The following AFF3 variants were observed in gnomAD, a reference collection of about 807,000 sequenced individuals.
AFF3 encodes AF4/FMR2 family member 3.
A neutral mutation model predicts 129.7 loss-of-function variants in AFF3; 32 were observed. The ratio of observed to expected loss-of-function variants is 0.25; its 90% CI spans 0.19 to 0.33. The LOEUF (loss-of-function observed/expected upper bound fraction) is 0.33, where lower values mean the gene tolerates loss of function less well. Ranked by LOEUF, AFF3 falls within the 10% of genes least tolerant of loss-of-function variation. The probability of loss-of-function intolerance (pLI) is 1.00; values close to 1 mark genes in which losing one functional copy is unlikely to be tolerated. For synonymous variants in AFF3, 644 were observed against 635.4 expected, an observed-to-expected ratio of 1.01 and a Z score of -0.20; for missense variants, 1,373 against 1,592.0, an observed-to-expected ratio of 0.86 and a Z score of 2.34.
At chr2:99,702,372 ACT>A (rs1676949437) in intron 11 of AFF3, among the ~76,000 whole-genome samples, 1 of 151,874 alleles carries the variant, frequency 6.6e-6, no homozygotes, top group Non-Finnish European at 1.5e-5. Flanking sequence ...ACAGAGTCTC[ACT>A]CTGTCACTCA....
Position 99,581,219 on chromosome 2 carries a change from G to A in AFF3, c.2793+1579C>T, listed in dbSNP as rs184538096. Among the ~76,000 whole-genome samples the A allele has an allele frequency of 2.0e-3, 302 of 152,332 alleles. 1 individual carries two copies. The highest frequency in any genetic ancestry group is 6.2e-3 in the South Asian group (30 of 4,824). On this transcript the variant is annotated intron_variant, in intron 17 of 24. Transcript: ENST00000672756. ...AAATAAAATCTACAATTGGTTTATA[G>A]TTCTCTGCGTATCATAGTTGCTCAT...
chr2:99,862,966 T>G (rs1691106184), intron 7 of AFF3, among the ~76,000 whole-genome samples: 1 of 152,254 alleles, frequency 6.6e-6, no homozygotes, highest in African/African-American at 2.4e-5. Flanking sequence ...TATAAAGATT[T>G]TTTATTAAAA....
At chr2:99,981,146 G>A (rs1361927437) in intron 7 of AFF3, among the ~76,000 whole-genome samples, 2 of 152,032 alleles carry the variant, frequency 1.3e-5, no homozygotes, top group Non-Finnish European at 2.9e-5. Flanking sequence ...AGCCTCCCAA[G>A]TAGCTGGGAT....
At chr2:99,978,331 TAA>T (rs1359742867) in intron 7 of AFF3, among the ~76,000 whole-genome samples, 1 of 151,342 alleles carries the variant, frequency 6.6e-6, no homozygotes, top group African/African-American at 2.4e-5. Context: ...AAGATGCTAA[TAA>T]GCTCAATATG....
At chr2:99,624,675 G>T (rs569718074) in intron 13 of AFF3, among the ~76,000 whole-genome samples, 1 of 152,286 alleles carries the variant, frequency 6.6e-6, no homozygotes, top group East Asian at 1.9e-4. Context: ...GTGCACATAG[G>T]TCAGGAATTC....
chr2:99,690,075 A>C (rs1213563893), intron 11 of AFF3, among the ~76,000 whole-genome samples: 4 of 150,250 alleles, frequency 2.7e-5, no homozygotes, highest in Non-Finnish European at 5.9e-5. Flanking sequence ...TGACAGAGCG[A>C]GACTCTGTCT....
Position 99,578,513 on chromosome 2 carries a change from C to CACAT in AFF3, c.2794-66_2794-63dup, listed in dbSNP as rs1677210563. ...CCACCTGGTGAAGCGAGCAGCCCAT[C>CACAT]ACATACATACATACGTAGAATATCT... On this transcript the variant is annotated intron_variant, in intron 17 of 24. Coordinates refer to ENST00000672756, the MANE Select transcript of AFF3 (RefSeq NM_001386135.1). 1.9e-6 allele frequency: 3 copies of CACAT among 1,592,730 alleles called. No individual in the cohort carries two copies. The East Asian group carries it at 6.8e-5, about 36-fold the overall frequency.
chr2:99,732,198 C>CA (rs1679887458), intron 10 of AFF3, among the ~76,000 whole-genome samples: 1 of 151,716 alleles, frequency 6.6e-6, no homozygotes, highest in Non-Finnish European at 1.5e-5. Flanking sequence ...ACTAAAAATA[C>CA]AAAAAAATTA....
chr2:100,046,312 G>T (rs572065916), intron 4 of AFF3, among the ~76,000 whole-genome samples: 1 of 152,116 alleles, frequency 6.6e-6, no homozygotes, highest in Non-Finnish European at 1.5e-5. Context: ...GCTAGTCAGC[G>T]GTAACATCAG....
intron 4 of AFF3, among the ~76,000 whole-genome samples, chr2:100,042,738 C>T (rs1685540167): frequency 1.3e-5 from 2 of 152,192 alleles, no homozygotes; most frequent in South Asian, 4.1e-4. Flanking sequence ...TGGGAAAGCT[C>T]TCTGAGGTTT....
chr2:99,794,719 G>A (rs1197235038), intron 8 of AFF3, among the ~76,000 whole-genome samples: 2 of 152,094 alleles, frequency 1.3e-5, no homozygotes, highest in Admixed American at 6.5e-5. Flanking sequence ...TCAACTCAGT[G>A]AGACTTCTAG....
chr2:99,568,903 G>C lies in AFF3; in HGVS notation c.2931C>G (p.Ala977=). ...KLVFDDMPRS[A]DYFMQEAKRM... is the part of the protein sequence containing the mutation. ...GTTTAGCTTCTTGCATAAAATAATC[G>C]GCACTGCGAGGCCTACAAGGAGAGA... is the stretch of plus-strand genomic sequence containing the variant. The change falls in exon 19 of 25, where the codon GCC becomes GCG. Residue 977 remains alanine, a synonymous_variant. Coordinates refer to ENST00000672756, the MANE Select transcript of AFF3 (RefSeq NM_001386135.1). 1 of 1,613,932 alleles carries C rather than the reference G, an allele frequency of 6.2e-7. No homozygotes were observed. The highest frequency in any genetic ancestry group is 8.5e-7 in the Non-Finnish European group (1 of 1,179,902).
intron 4 of AFF3, among the ~76,000 whole-genome samples, chr2:100,085,859 C>T (rs1689379477): frequency 6.6e-6 from 1 of 151,148 alleles, no homozygotes; most frequent in East Asian, 1.9e-4. Flanking sequence ...CCCAAGCCAG[C>T]ATGGTGTGTT....
intron 4 of AFF3, among the ~76,000 whole-genome samples, chr2:100,042,375 G>A (rs953728931): frequency 2.6e-5 from 4 of 151,844 alleles, no homozygotes; most frequent in African/African-American, 9.7e-5. Context: ...GAAATATATT[G>A]TTTTTTTTCT....
At chr2:99,735,235 C>G (rs1399998039) in intron 10 of AFF3, among the ~76,000 whole-genome samples, 1 of 151,926 alleles carries the variant, frequency 6.6e-6, no homozygotes, top group Non-Finnish European at 1.5e-5. Context: ...CTTTTTGATT[C>G]CTAATATTAT....
At chr2:99,965,107 T>C (rs1006913154) in intron 7 of AFF3, among the ~76,000 whole-genome samples, 3 of 152,224 alleles carry the variant, frequency 2.0e-5, no homozygotes, top group Non-Finnish European at 2.9e-5. Context: ...ATTTCAACTT[T>C]ATAAACCACG....
intron 7 of AFF3, among the ~76,000 whole-genome samples, chr2:99,984,201 A>G (rs545494020): frequency 1.2e-4 from 19 of 152,364 alleles, no homozygotes; most frequent in African/African-American, 3.4e-4. Context: ...AGAGCTGAAC[A>G]TAATATGGAC....
chr2:100,007,712 T>G, intron 5 of AFF3: 1 of 487,676 alleles, frequency 2.1e-6, no homozygotes, highest in Non-Finnish European at 3.7e-6. Flanking sequence ...GGCTGGCTCA[T>G]GCCTGGAATC....
intron 7 of AFF3, among the ~76,000 whole-genome samples, chr2:99,870,277 C>A (rs17436656): frequency 0.029 from 4,377 of 152,324 alleles, 79 homozygotes; most frequent in Non-Finnish European, 0.04. Context: ...AGAATTACTC[C>A]TCTGAGATTG....
Sources: gnomAD v4.1 joint callset for allele counts (sites outside exome capture counted in the v4.1 genomes callset) on GRCh38, gnomAD v4.1.1 for gene constraint, MANE v1.5 for transcripts, NCBI Gene and HGNC (gene_info 2026-07-23, HGNC 2026-07-21) for gene names.